TRAPPC9: variants seen among roughly 807,000 people sequenced by gnomAD.
TRAPPC9 encodes IKK2 binding protein.
TRAPPC9 carries 83 observed loss-of-function variants against 124.0 expected under a neutral mutation model. The observed-to-expected ratio is 0.67, with a 90% confidence interval of 0.56 to 0.80. TRAPPC9 has a LOEUF of 0.80. Ranked by LOEUF, TRAPPC9 falls within the 30% of genes least tolerant of loss-of-function variation. TRAPPC9 has a pLI of 0.00. For synonymous variants in TRAPPC9, 638 were observed against 617.5 expected, an observed-to-expected ratio of 1.03 and a Z score of -0.49; for missense variants, 1,302 against 1,508.3, an observed-to-expected ratio of 0.86 and a Z score of 2.27.
intron 19 of TRAPPC9, chr8:139,932,707 T>C (rs1012832868): frequency 5.4e-6 from 2 of 368,084 alleles, no homozygotes; most frequent in Non-Finnish European, 1.1e-5. Flanking sequence ...GAGGTTGCAG[T>C]GAGCCGAGAT....
chr8:139,795,055 A>G (rs1458399236), intron 21 of TRAPPC9, among the ~76,000 whole-genome samples: 8 of 152,218 alleles, frequency 5.3e-5, no homozygotes, highest in Admixed American at 2.0e-4. Flanking sequence ...TAGCTTGCTT[A>G]GGCCTCTCAA....
intron 21 of TRAPPC9, among the ~76,000 whole-genome samples, chr8:139,778,734 G>T (rs1390643429): frequency 6.6e-6 from 1 of 152,034 alleles, no homozygotes; most frequent in African/African-American, 2.4e-5. Context: ...GAAACACACA[G>T]ACAAAAAAAT....
At chr8:140,384,235 A>G (rs1259070294) in intron 7 of TRAPPC9, among the ~76,000 whole-genome samples, 1 of 152,238 alleles carries the variant, frequency 6.6e-6, no homozygotes, top group Admixed American at 6.5e-5. Context: ...CACCGAGACT[A>G]GGAAGAAACT....
At chr8:140,299,174 G>A (rs1447473654) in intron 11 of TRAPPC9, among the ~76,000 whole-genome samples, 2 of 152,228 alleles carry the variant, frequency 1.3e-5, no homozygotes, top group Non-Finnish European at 2.9e-5. Flanking sequence ...GAAAGAGCGA[G>A]CCCCAAAGCC....
chr8:140,227,101 T>G (rs549362965), intron 16 of TRAPPC9, among the ~76,000 whole-genome samples: 1 of 152,132 alleles, frequency 6.6e-6, no homozygotes, highest in Non-Finnish European at 1.5e-5. Context: ...TTCGGAAAAC[T>G]GAAGCTGAGC....
intron 11 of TRAPPC9, among the ~76,000 whole-genome samples, chr8:140,295,219 A>G (rs551515579): frequency 6.6e-6 from 1 of 152,378 alleles, no homozygotes; most frequent in African/African-American, 2.4e-5. Context: ...TCCCCAGCAC[A>G]TAGCACAGGG....
In TRAPPC9 at chr8:140,216,566, A is replaced by C. The variant is rs2063200997; in HGVS notation, c.2556+4893T>G. 6.6e-6 allele frequency among the ~76,000 whole-genome samples: 1 copy of C among 152,214 alleles called. No individual in the cohort carries two copies. The highest frequency in any genetic ancestry group is 2.1e-4 in the South Asian group (1 of 4,832). Reference sequence around the variant, plus strand: ...GAGTGGAACACAAAGCAAAGGAAGGAACCAACAAACTCCGCGTGCCTCTGA... The same window carrying C: ...GAGTGGAACACAAAGCAAAGGAAGGCACCAACAAACTCCGCGTGCCTCTGA... On this transcript the variant is annotated intron_variant, in intron 17 of 22. Transcript: ENST00000438773. This position sits in a 1 kb window ranked among gnomAD's most constrained non-coding sequence, Gnocchi z 4.1.
Position 140,371,200 on chromosome 8 carries a change from T to A in TRAPPC9, c.1135-20A>T, listed in dbSNP as rs772735130. On this transcript the variant is annotated intron_variant, in intron 7 of 22. Coordinates refer to ENST00000438773, the MANE Select transcript of TRAPPC9 (RefSeq NM_001160372.4). The stretch of plus-strand genomic sequence containing the variant: ...AGAAAGCTGAAGCACAGAGAGAAAG[T>A]AAAAAGCTTTTGAAAGAAACGTATA... The A allele has an allele frequency of 8.8e-6, 14 of 1,590,490 alleles. No homozygotes were observed. Among genetic ancestry groups the A allele is most frequent in the Non-Finnish European group, 1.2e-5 (14 of 1,167,596 alleles).
intron 18 of TRAPPC9, among the ~76,000 whole-genome samples, chr8:139,993,971 T>C (rs778303131): frequency 4.4e-4 from 67 of 152,214 alleles, no homozygotes; most frequent in Non-Finnish European, 6.9e-4. Context: ...AAATATAATA[T>C]ACTGAAATAT....
intron 16 of TRAPPC9, among the ~76,000 whole-genome samples, chr8:140,249,428 T>C (rs1272953378): frequency 2.0e-5 from 3 of 152,172 alleles, no homozygotes; most frequent in East Asian, 3.8e-4. Context: ...TCCAATTCAC[T>C]ACTGATGGCC....
chr8:140,006,182 T>C (rs1047319611), intron 18 of TRAPPC9, among the ~76,000 whole-genome samples: 22 of 152,194 alleles, frequency 1.4e-4, no homozygotes, highest in African/African-American at 4.6e-4. Flanking sequence ...CATCAACAAC[T>C]GAAAAGCAAC....
chr8:140,028,590 G>A (rs953004135), intron 17 of TRAPPC9, among the ~76,000 whole-genome samples: 1 of 152,220 alleles, frequency 6.6e-6, no homozygotes, highest in African/African-American at 2.4e-5. Context: ...TTGCCATTCA[G>A]GCAAACTGTT....
In TRAPPC9 at chr8:140,241,422, C is replaced by T. The variant is rs924957322; in HGVS notation, c.2431+11355G>A. On this transcript the variant is annotated intron_variant, in intron 16 of 22. Transcript: ENST00000438773. This position sits in a 1 kb window ranked among gnomAD's most constrained non-coding sequence, Gnocchi z 5.0. ...TCTCAAAAATAAAAATTGGGCCAGG[C>T]GCGGTGGCACCCGCCTGTAATCCCA... 2.0e-5 allele frequency among the ~76,000 whole-genome samples: 3 copies of T among 149,906 alleles called. No homozygotes were observed. Among genetic ancestry groups the T allele is most frequent in the African/African-American group, 7.4e-5 (3 of 40,548 alleles).
At chr8:139,980,995 C>G (rs1022386663) in intron 19 of TRAPPC9, among the ~76,000 whole-genome samples, 1 of 152,232 alleles carries the variant, frequency 6.6e-6, no homozygotes, top group Non-Finnish European at 1.5e-5. Flanking sequence ...TCCTATTTTT[C>G]TTTTCTCACA....
chr8:140,030,345 G>A lies in TRAPPC9; in HGVS notation c.2557-6266C>T, dbSNP rs561311379. 3.9e-5 allele frequency among the ~76,000 whole-genome samples: 6 copies of A among 152,308 alleles called. No homozygotes were observed. The East Asian group carries it at 7.7e-4, about 20-fold the overall frequency. On this transcript the variant is annotated intron_variant, in intron 17 of 22. Coordinates refer to ENST00000438773, the MANE Select transcript of TRAPPC9 (RefSeq NM_001160372.4). ...GGAAGAGGTAAAACTATCTTTGTTT[G>A]CAGACAACATAATCATGTACCAAAA...
chr8:140,133,278 G>A (rs1440482740), intron 17 of TRAPPC9, among the ~76,000 whole-genome samples: 1 of 152,182 alleles, frequency 6.6e-6, no homozygotes. Flanking sequence ...TCAATGTGAT[G>A]TACCATATTA....
chr8:140,128,644 G>A (rs1376505446), intron 17 of TRAPPC9, among the ~76,000 whole-genome samples: 1 of 152,218 alleles, frequency 6.6e-6, no homozygotes, highest in Non-Finnish European at 1.5e-5. Flanking sequence ...GTGGGGTGGG[G>A]ATTATCAGTG....
intron 19 of TRAPPC9, among the ~76,000 whole-genome samples, chr8:139,965,962 C>T (rs1835680904): frequency 6.6e-6 from 1 of 152,230 alleles, no homozygotes; most frequent in Non-Finnish European, 1.5e-5. Context: ...CGGCACAGCA[C>T]CAGGCCTGTC....
chr8:140,439,059 C>A lies in TRAPPC9; in HGVS notation c.723G>T (p.Trp241Cys). ...ELLRSVNDFL[W>C]LGAALEGLCS... is the part of the protein sequence containing the mutation. ...TTCATCAGCTCATCTTACCTCCAAG[C>A]CACAGAAAGTCATTCACAGAACGCA... Residue 241 changes from tryptophan to cysteine, a missense_variant, in exon 3 of 23, where the codon TGG becomes TGT. Physicochemically the swap from Trp to Cys is radical, Grantham distance 215. Transcript: ENST00000438773. 1.2e-6 allele frequency: 2 copies of A among 1,614,186 alleles called. No individual in the cohort carries two copies. The highest frequency in any genetic ancestry group is 8.5e-7 in the Non-Finnish European group (1 of 1,180,028).
Sources: gnomAD v4.1 joint callset for allele counts (sites outside exome capture counted in the v4.1 genomes callset) on GRCh38, gnomAD v4.1.1 for gene constraint, Gnocchi (gnomAD v3.1) non-coding constraint, MANE v1.5 for transcripts, NCBI Gene and HGNC (gene_info 2026-07-23, HGNC 2026-07-21) for gene names.